SASH1: variants seen among roughly 807,000 people sequenced by gnomAD.
The protein encoded by SASH1 is SAM and SH3 domain-containing protein 1.
SASH1 carries 44 observed loss-of-function variants against 125.2 expected under a neutral mutation model. That is an observed-to-expected ratio of 0.35 (90% CI 0.28 to 0.45). The LOEUF is 0.45. Ranked by LOEUF, SASH1 falls within the 20% of genes least tolerant of loss-of-function variation. The pLI is 1.00. For synonymous variants in SASH1, 639 were observed against 649.1 expected, an observed-to-expected ratio of 0.98 and a Z score of 0.24; for missense variants, 1,426 against 1,614.5, an observed-to-expected ratio of 0.88 and a Z score of 2.00.
At position 148,548,382 on chromosome 6, in the gene SASH1, G is replaced by A. The variant is rs778743276; in HGVS notation, c.3568G>A (p.Gly1190Ser). 1.1e-5 allele frequency: 17 copies of A among 1,614,004 alleles called. No individual in the cohort carries two copies. The highest frequency in any genetic ancestry group is 1.4e-5 in the Non-Finnish European group (17 of 1,180,030). Residue 1190 changes from glycine to serine, a missense_variant, in exon 20 of 20, where the codon GGT becomes AGT. Gly to Ser is a moderately conservative substitution (Grantham distance 56). Around this residue, in one of 3 missense-constraint regions of SASH1, gnomAD observed 634 missense variants for 694.4 expected, o/e 0.91. Transcript: ENST00000367467. ...TGTGTCAGATTGGCTCATTTCCATC[G>A]GTCTGCCCATGTACGCCGGCACCCT... Reference protein sequence around the residue: ...SSVSDWLISIGLPMYAGTLST... With the variant: ...SSVSDWLISISLPMYAGTLST...
intron 8 of SASH1, among the ~76,000 whole-genome samples, chr6:148,502,522 C>G (rs1290717337): frequency 6.6e-6 from 1 of 152,178 alleles, no homozygotes; most frequent in Non-Finnish European, 1.5e-5. Context: ...AGGCCTCTGC[C>G]ACGGCCCCAG....
At chr6:148,490,968 T>G (rs966710380) in intron 8 of SASH1, among the ~76,000 whole-genome samples, 19 of 152,218 alleles carry the variant, frequency 1.2e-4, no homozygotes, top group African/African-American at 4.6e-4. Context: ...AATGTTTTCC[T>G]CCAAAATTTT....
intron 17 of SASH1, 125 bp downstream of exon 17, chr6:148,540,681 C>T: frequency 1.4e-6 from 1 of 695,222 alleles, no homozygotes; most frequent in Non-Finnish European, 2.5e-6. Context: ...TTTCTCACCT[C>T]TACACCATTC....
intron 19 of SASH1, among the ~76,000 whole-genome samples, chr6:148,548,042 C>T (rs1427848930): frequency 6.6e-6 from 1 of 152,216 alleles, no homozygotes; most frequent in Non-Finnish European, 1.5e-5. Context: ...AGTTTGAAGA[C>T]TCGGACACAT....
chr6:148,453,845 G>A (rs1350193854), intron 4 of SASH1, among the ~76,000 whole-genome samples: 1 of 152,178 alleles, frequency 6.6e-6, no homozygotes, highest in Admixed American at 6.5e-5. Flanking sequence ...GGTGCTGAGG[G>A]CCCTGTATTT....
chr6:148,406,467 A>G (rs1350747171), intron 2 of SASH1, among the ~76,000 whole-genome samples: 1 of 152,332 alleles, frequency 6.6e-6, no homozygotes, highest in African/African-American at 2.4e-5. Context: ...CAAACTTAGA[A>G]CAGTGTCCTC....
chr6:148,388,876 A>T (rs1214697419), intron 1 of SASH1, among the ~76,000 whole-genome samples: 2 of 151,964 alleles, frequency 1.3e-5, no homozygotes, highest in Non-Finnish European at 2.9e-5. Flanking sequence ...GTGTGGCTTT[A>T]GGTGGTCTAA....
intron 2 of SASH1, among the ~76,000 whole-genome samples, chr6:148,422,604 G>A (rs2473555): frequency 0.88 from 134,158 of 152,310 alleles, 59,241 homozygotes; most frequent in South Asian, 0.93. Flanking sequence ...TAATTTCAAC[G>A]TGGCACTTTT....
chr6:148,393,708 A>G (rs1783828044), intron 2 of SASH1: 1 of 985,244 alleles, frequency 1.0e-6, no homozygotes, highest in South Asian at 4.7e-5. Context: ...CGCAGAAGAC[A>G]GTCTGGGGGG....
the SASH1 span, among the ~76,000 whole-genome samples, chr6:148,265,732 G>C: frequency 2.6e-5 from 4 of 152,168 alleles, no homozygotes; most frequent in Non-Finnish European, 5.9e-5. Context: ...TCTGAGACCT[G>C]TGCCCAAGCC....
In SASH1 at chr6:148,550,671, T is replaced by G. The variant is rs1371904663; in HGVS notation, c.*2113T>G. 1 of 152,256 alleles carries G rather than the reference T, an allele frequency of 6.6e-6. No homozygotes were observed. The highest frequency in any genetic ancestry group is 2.4e-5 in the African/African-American group (1 of 41,462). 9.4% of individuals were successfully genotyped at this position (152,256 alleles called of 1,614,324 possible). On this transcript the variant is annotated 3_prime_UTR_variant, in exon 20 of 20. Coordinates refer to ENST00000367467, the MANE Select transcript of SASH1 (RefSeq NM_015278.5). ...GGGTTGTGGCCTAGCCTATTTGCAA[T>G]GTAATGAAGCTGCAGGGTTCTTGTA... is the stretch of plus-strand genomic sequence containing the variant.
At position 148,388,610 on chromosome 6, in the gene SASH1, G is replaced by A. The variant is rs79964968; in HGVS notation, c.157-1524G>A. 3.9e-3 allele frequency among the ~76,000 whole-genome samples: 592 copies of A among 152,280 alleles called. 2 individuals are homozygous for A. Among genetic ancestry groups the A allele is most frequent in the African/African-American group, 0.013 (559 of 41,564 alleles). ...TTTTCTGAAGCGTCATTTTTTTCCC[G>A]TCTCTGTTTCTCCTCTCCCTTGGTT... On this transcript the variant is annotated intron_variant, in intron 1 of 19. Transcript: ENST00000367467.
In SASH1 at chr6:148,343,185, G is replaced by C. The variant is rs1039418518; in HGVS notation, c.118G>C (p.Ala40Pro). 2.5e-6 allele frequency: 4 copies of C among 1,600,078 alleles called. No individual in the cohort carries two copies. In the African/African-American group the frequency reaches 4.0e-5, roughly 16 times the overall value. The change falls in exon 1 of 20, where the codon GCG becomes CCG. Residue 40 changes from alanine to proline, a missense_variant. Transcript: ENST00000367467. Reference protein sequence around the residue: ...EPKPGAGTSEAFSRLWTDVMG... With the variant: ...EPKPGAGTSEPFSRLWTDVMG... ...CAAGCCGGGTGCTGGCACATCCGAGGCGTTCTCCCGACTCTGGACCGACGT... is the reference window on the plus strand; with the variant it reads ...CAAGCCGGGTGCTGGCACATCCGAGCCGTTCTCCCGACTCTGGACCGACGT...
chr6:148,412,794 A>G (rs191890588), intron 2 of SASH1, among the ~76,000 whole-genome samples: 1 of 152,298 alleles, frequency 6.6e-6, no homozygotes, highest in Admixed American at 6.5e-5. Flanking sequence ...TGAGATTTAG[A>G]GGGGACAGAC....
chr6:148,311,276 T>G (rs1318416692), intron 1 of SASH1, among the ~76,000 whole-genome samples: 1 of 151,788 alleles, frequency 6.6e-6, no homozygotes, highest in Non-Finnish European at 1.5e-5. Context: ...CCAGCTAATT[T>G]TTTTATTTTT....
chr6:148,531,780 T>C, intron 13 of SASH1, 119 bp downstream of exon 13: 1 of 804,026 alleles, frequency 1.2e-6, no homozygotes, highest in Non-Finnish European at 1.7e-6. Context: ...TCAGGTGCTA[T>C]TAGAGAATCA....
chr6:148,243,818 C>T, the SASH1 span, among the ~76,000 whole-genome samples: 1 of 151,986 alleles, frequency 6.6e-6, no homozygotes, highest in East Asian at 1.9e-4. Context: ...GAGGAATGGC[C>T]AGTTTTATGT....
intron 1 of SASH1, among the ~76,000 whole-genome samples, chr6:148,279,404 C>T (rs929110562): frequency 6.6e-6 from 1 of 152,186 alleles, no homozygotes; most frequent in African/African-American, 2.4e-5. Flanking sequence ...ATGCCTAGCA[C>T]ATAGTGGACA....
In SASH1 at chr6:148,471,219, G is replaced by A. The variant is rs531067652; in HGVS notation, c.428-198G>A. Among the ~76,000 whole-genome samples, 181 of 151,850 alleles carry A rather than the reference G, an allele frequency of 1.2e-3. 1 individual carries two copies. Among genetic ancestry groups the A allele is most frequent in the African/African-American group, 4.2e-3 (176 of 41,424 alleles). On this transcript the variant is annotated intron_variant, in intron 5 of 19. Transcript: ENST00000367467. ...TCACTGCACCGTTTCTTGCTACTAGGAAATTTGCATTTCTTTTAAACAACT... is the reference window on the plus strand; with the variant it reads ...TCACTGCACCGTTTCTTGCTACTAGAAAATTTGCATTTCTTTTAAACAACT...
Sources: gnomAD v4.1 joint callset for allele counts (sites outside exome capture counted in the v4.1 genomes callset) on GRCh38, gnomAD v4.1.1 for gene constraint, gnomAD v4.1.1 regional missense constraint, MANE v1.5 for transcripts, NCBI Gene and HGNC (gene_info 2026-07-23, HGNC 2026-07-21) for gene names.